Variants in TRPM3 observed in about 807,000 individuals in gnomAD.
TRPM3 encodes transient receptor potential cation channel subfamily M member 3.
TRPM3 carries 77 observed loss-of-function variants against 181.2 expected under a neutral mutation model. That is an observed-to-expected ratio of 0.42 (90% CI 0.35 to 0.51). TRPM3 has a LOEUF of 0.51. Among genes scored for constraint, TRPM3 ranks in the 20% least tolerant of loss-of-function variants. The pLI is 0.01. For synonymous variants in TRPM3, 745 were observed against 796.4 expected, an observed-to-expected ratio of 0.94 and a Z score of 1.09; for missense variants, 1,759 against 2,196.7, an observed-to-expected ratio of 0.80 and a Z score of 3.98.
intron 8 of TRPM3, among the ~76,000 whole-genome samples, chr9:70,743,234 A>G (rs1189713675): frequency 6.6e-6 from 1 of 152,116 alleles, no homozygotes; most frequent in Non-Finnish European, 1.5e-5. Context: ...TGGCTAAGGA[A>G]CTGAAACTTA....
chr9:70,627,094 G>A (rs983446526), intron 12 of TRPM3, among the ~76,000 whole-genome samples: 3 of 98,916 alleles, frequency 3.0e-5, no homozygotes, highest in Non-Finnish European at 7.0e-5. Flanking sequence ...AAACCAAGTA[G>A]CCACAATCTT....
intron 1 of TRPM3, among the ~76,000 whole-genome samples, chr9:71,095,506 C>A (rs1038652987): frequency 9.2e-5 from 14 of 152,010 alleles, no homozygotes; most frequent in Non-Finnish European, 1.9e-4. Flanking sequence ...CGCCTGTAAT[C>A]CCAGCACTTT....
chr9:71,202,231 C>G (rs992361353), intron 1 of TRPM3, among the ~76,000 whole-genome samples: 3 of 152,130 alleles, frequency 2.0e-5, no homozygotes, highest in African/African-American at 7.2e-5. Context: ...ACGTGTCAGT[C>G]TGCCCCTACC....
rs138486733 is a variant in TRPM3, at chr9:70,742,370, T to C, written c.1272+19231A>G. ...CATAATGATGTTTTGATATATATAA[T>C]GTATAGTGATCAGATCAGGGTAATT... On this transcript the variant is annotated intron_variant, in intron 8 of 25. Transcript: ENST00000677713. 7.8e-3 allele frequency among the ~76,000 whole-genome samples: 1,185 copies of C among 152,264 alleles called. 14 individuals are homozygous for C. Among genetic ancestry groups the C allele is most frequent in the African/African-American group, 0.027 (1,118 of 41,562 alleles).
chr9:71,300,625 C>T (rs1468994227), intron 1 of TRPM3, among the ~76,000 whole-genome samples: 1 of 151,990 alleles, frequency 6.6e-6, no homozygotes, highest in Non-Finnish European at 1.5e-5. Flanking sequence ...AACTGTAATT[C>T]TAAGTCAGGA....
chr9:71,134,299 T>C (rs1263270352), intron 1 of TRPM3, among the ~76,000 whole-genome samples: 3 of 152,086 alleles, frequency 2.0e-5, no homozygotes, highest in African/African-American at 7.2e-5. Flanking sequence ...GCACAGTGGC[T>C]CACGCCTGTA....
chr9:70,847,461 T>C (rs977940439), intron 3 of TRPM3, among the ~76,000 whole-genome samples: 4 of 152,122 alleles, frequency 2.6e-5, no homozygotes, highest in African/African-American at 9.7e-5. Context: ...AGAAGCAGTT[T>C]AGAACCTCAG....
chr9:71,386,192 T>A (rs976854624), intron 1 of TRPM3, among the ~76,000 whole-genome samples: 1 of 151,934 alleles, frequency 6.6e-6, no homozygotes, highest in Non-Finnish European at 1.5e-5. Flanking sequence ...GGCTCCTGCC[T>A]GTAATCCCAG....
chr9:70,627,616 C>T (rs775630478), intron 12 of TRPM3, among the ~76,000 whole-genome samples: 2 of 152,120 alleles, frequency 1.3e-5, no homozygotes, highest in African/African-American at 2.4e-5. Context: ...GAATTAGCTC[C>T]CACCCCATCC....
intron 1 of TRPM3, among the ~76,000 whole-genome samples, chr9:71,084,901 A>G (rs947251008): frequency 2.0e-5 from 3 of 152,090 alleles, no homozygotes; most frequent in Admixed American, 2.0e-4. Context: ...ATAGTAACCA[A>G]AACAGCATGG....
At chr9:71,228,097 A>C (rs768909077) in intron 1 of TRPM3, among the ~76,000 whole-genome samples, 3 of 152,212 alleles carry the variant, frequency 2.0e-5, no homozygotes, top group Admixed American at 1.3e-4. Flanking sequence ...ATATACTAGC[A>C]AACTGAATTC....
chr9:70,820,396 T>C, intron 6 of TRPM3, among the ~76,000 whole-genome samples: 1 of 152,180 alleles, frequency 6.6e-6, no homozygotes, highest in Non-Finnish European at 1.5e-5. Flanking sequence ...TGTTTGTTTG[T>C]TTGTTTTTGA....
intron 11 of TRPM3, among the ~76,000 whole-genome samples, chr9:70,636,452 T>C (rs2057212043): frequency 6.6e-6 from 1 of 152,068 alleles, no homozygotes. Context: ...AAATATAAAG[T>C]GAAATAAGTT....
chr9:71,194,626 G>T (rs965180822), intron 1 of TRPM3, among the ~76,000 whole-genome samples: 2 of 151,894 alleles, frequency 1.3e-5, no homozygotes, highest in Non-Finnish European at 2.9e-5. Flanking sequence ...GAACTCTGAC[G>T]CAAGTGAGAG....
At chr9:71,216,090 T>A (rs2079848598) in intron 1 of TRPM3, among the ~76,000 whole-genome samples, 1 of 152,226 alleles carries the variant, frequency 6.6e-6, no homozygotes, top group Non-Finnish European at 1.5e-5. Context: ...ACTCCTTGAC[T>A]GTAACTGAAG....
chr9:71,252,012 G>A lies in TRPM3; in HGVS notation c.183+194641C>T, dbSNP rs538020208. Among the ~76,000 whole-genome samples, 81 of 152,160 alleles carry A rather than the reference G, an allele frequency of 5.3e-4. 1 individual carries two copies. The South Asian group carries it at 8.1e-3, about 15-fold the overall frequency. ...AATATAACCACTTCCAGTTCCATCCGTGTTGTTGCCAATGATAAGATCTCA... is the reference window on the plus strand; with the variant it reads ...AATATAACCACTTCCAGTTCCATCCATGTTGTTGCCAATGATAAGATCTCA... On this transcript the variant is annotated intron_variant, in intron 1 of 24. Coordinates refer to the TRPM3 transcript ENST00000357533.
chr9:70,621,975 G>A (rs1273774890), intron 14 of TRPM3, among the ~76,000 whole-genome samples: 1 of 152,134 alleles, frequency 6.6e-6, no homozygotes, highest in African/African-American at 2.4e-5. Context: ...AAGTGCTTTG[G>A]TCTGAATGTT....
At chr9:70,668,537 C>T (rs1357473776) in intron 9 of TRPM3, among the ~76,000 whole-genome samples, 7 of 151,722 alleles carry the variant, frequency 4.6e-5, no homozygotes, top group South Asian at 4.2e-4. Flanking sequence ...TGGTGGCGGG[C>T]GCCCGTAGTC....
At position 70,803,029 on chromosome 9, in the gene TRPM3, TTTG is replaced by T. The variant is rs201928971; in HGVS notation, c.974-18753_974-18751del. Among the ~76,000 whole-genome samples, 859 of 94,126 alleles carry T rather than the reference TTTG, an allele frequency of 9.1e-3. 10 individuals carry two copies. Among genetic ancestry groups the T allele is most frequent in the Middle Eastern group, 0.017 (3 of 180 alleles). 61.8% of individuals were successfully genotyped at this position (94,126 alleles called of 152,430 possible). ...GAAAACAGAACTTGCCTGGAGAAAT[TTTG>T]TAAAAAAAAAAAAAAAAAAAAAAAA... On this transcript the variant is annotated intron_variant, in intron 6 of 25. Coordinates refer to ENST00000677713, the MANE Select transcript of TRPM3 (RefSeq NM_001366145.2).
Sources: gnomAD v4.1 joint callset for allele counts (sites outside exome capture counted in the v4.1 genomes callset) on GRCh38, gnomAD v4.1.1 for gene constraint, MANE v1.5 for transcripts, NCBI Gene and HGNC (gene_info 2026-07-23, HGNC 2026-07-21) for gene names.